Variants in HOXC12 observed in about 807,000 individuals in gnomAD.
HOXC12 encodes homeobox protein Hox-C12.
Under a neutral mutation model 20.9 loss-of-function variants are expected in HOXC12, and 24 were observed. That is an observed-to-expected ratio of 1.15 (90% CI 0.83 to 1.61). HOXC12 has a LOEUF of 1.61. HOXC12 is among the 40% of genes most tolerant of loss of function. The probability of loss-of-function intolerance (pLI) is 0.00; values close to 1 mark genes in which losing one functional copy is unlikely to be tolerated. For missense variants in HOXC12, 436 were observed against 406.9 expected (o/e 1.07, Z -0.62); for synonymous variants, 202 against 197.7 (o/e 1.02, Z -0.18).
In HOXC12 at chr12:53,955,484, C is replaced by A. The variant is rs1256539573; in HGVS notation, c.555C>A (p.Gly185=). 4 of 1,496,588 alleles carry A rather than the reference C, an allele frequency of 2.7e-6. No homozygotes were observed. The highest frequency in any genetic ancestry group is 2.2e-5 in the Admixed American group (1 of 45,986). 92.7% of individuals were successfully genotyped at this position (1,496,588 alleles called of 1,614,324 possible). ...AGGGCAACAAGGGCGCCGGCGCAGGCGACCCCGGCAGCTTGGTATCGCCGT... is the reference window on the plus strand; with the variant it reads ...AGGGCAACAAGGGCGCCGGCGCAGGAGACCCCGGCAGCTTGGTATCGCCGT... ...LNEGNKGAGA[G]DPGSLVSPLN... Residue 185 remains glycine (G), a synonymous_variant, in exon 1 of 2, where the codon GGC becomes GGA. Transcript: ENST00000243103.
Position 53,957,033 on chromosome 12 carries a change from G to A in HOXC12, c.*467G>A, listed in dbSNP as rs1938879237. On this transcript the variant is annotated 3_prime_UTR_variant, in exon 2 of 2. Transcript: ENST00000243103. Reference sequence around the variant, plus strand: ...TCCTGGGGTTAGAAGAGGCTGGGAAGAGAGAGGAGGGTGGAGGGTCAGCGG... The same window carrying A: ...TCCTGGGGTTAGAAGAGGCTGGGAAAAGAGAGGAGGGTGGAGGGTCAGCGG... 1 of 153,652 alleles carries A rather than the reference G, an allele frequency of 6.5e-6. No individual in the cohort carries two copies. Among genetic ancestry groups the A allele is most frequent in the South Asian group, 2.1e-4 (1 of 4,858 alleles). 9.5% of individuals were successfully genotyped at this position (153,652 alleles called of 1,614,324 possible).
Position 53,955,203 on chromosome 12 carries a change from A to G in HOXC12, c.274A>G (p.Lys92Glu), listed in dbSNP as rs1938836551. Residue 92 changes from lysine (K) to glutamate (E), a missense_variant, in exon 1 of 2, where the codon AAG (lysine) becomes GAG (glutamate). By Grantham distance (56) the Lys-to-Glu change is moderately conservative. Coordinates refer to ENST00000243103, the MANE Select transcript of HOXC12 (RefSeq NM_173860.3). ...TCELARVEDG[K>E]GYYREPCAEG... Reference sequence around the variant, plus strand: ...CGAGCTGGCGCGCGTGGAGGACGGCAAGGGTTACTACCGCGAGCCGTGCGC... The same window carrying G: ...CGAGCTGGCGCGCGTGGAGGACGGCGAGGGTTACTACCGCGAGCCGTGCGC... 5 of 1,609,598 alleles carry G rather than the reference A, an allele frequency of 3.1e-6. No homozygotes were observed. The highest frequency in any genetic ancestry group is 4.2e-6 in the Non-Finnish European group (5 of 1,178,730).
Position 53,955,295 on chromosome 12 carries a change from A to G in HOXC12, c.366A>G (p.Ala122=), listed in dbSNP as rs769022737. 1 of 1,396,960 alleles carries G rather than the reference A, an allele frequency of 7.2e-7. No individual in the cohort carries two copies. The highest frequency in any genetic ancestry group is 1.7e-5 in the South Asian group (1 of 60,406). The allele number at this position is 1,396,960 out of a possible 1,614,324, so 86.5% of individuals were successfully genotyped here. ...GCGACCCGGGAGCCGGGCCCGGGGCAGCGCTGCTCCCGCTGGAGCCGTCGG... is the reference window on the plus strand; with the variant it reads ...GCGACCCGGGAGCCGGGCCCGGGGCGGCGCTGCTCCCGCTGGAGCCGTCGG... ...RGRDPGAGPG[A]ALLPLEPSGP... The change falls in exon 1 of 2, where the codon GCA becomes GCG. Residue 122 remains alanine (A), a synonymous_variant. Transcript: ENST00000243103.
At chr12:53,955,653 C>T in intron 1 of HOXC12, 114 bp downstream of exon 1, 1 of 1,187,614 alleles carries the variant, frequency 8.4e-7, no homozygotes, top group Non-Finnish European at 1.1e-6. Context: ...CGAGGAAGAG[C>T]TTCTTATAAA....
rs991556939 is a variant in HOXC12 at position 53,957,915 on chromosome 12, C to A, written c.*1349C>A. ...GAATGGCTTCTCTGAGTGGGAAGGA[C>A]TTTCATCCAGACTCCTTCAGACCCC... On this transcript the variant is annotated 3_prime_UTR_variant, in exon 2 of 2. Transcript: ENST00000243103. The A allele has an allele frequency of 6.6e-6, 1 of 152,464 alleles. No homozygotes were observed. Among genetic ancestry groups the A allele is most frequent in the Non-Finnish European group, 1.5e-5 (1 of 68,236 alleles). The allele number at this position is 152,464 out of a possible 1,614,324, so 9.4% of individuals were successfully genotyped here.
In HOXC12 at chr12:53,955,028, G is replaced by A. The variant is rs761500228; in HGVS notation, c.99G>A (p.Gly33=). The stretch of plus-strand genomic sequence containing the variant: ...ACTTCCCCAACTTCCGCGCGTCCGG[G>A]GCGCAGCTTCCCGGGCTGCCTTCGC... The part of the protein sequence containing the change: ...TFYFPNFRAS[G]AQLPGLPSLS... Residue 33 remains glycine (G), a synonymous_variant, in exon 1 of 2, where the codon GGG becomes GGA. Transcript: ENST00000243103. 3 of 1,614,118 alleles carry A rather than the reference G, an allele frequency of 1.9e-6. No individual in the cohort carries two copies. Among genetic ancestry groups the A allele is most frequent in the Non-Finnish European group, 2.5e-6 (3 of 1,180,004 alleles).
At position 53,955,336 on chromosome 12, in the gene HOXC12, G is replaced by C. The variant is rs773288738; in HGVS notation, c.407G>C (p.Gly136Ala). The change falls in exon 1 of 2, where the codon GGC (glycine) becomes GCC (alanine). Residue 136 changes from glycine (G) to alanine (A), a missense_variant. Gly to Ala is a moderately conservative substitution (Grantham distance 60, BLOSUM62 0). Transcript: ENST00000243103. The stretch of plus-strand genomic sequence containing the variant: ...GAGCCGTCGGGGCCGCCTGCGCTCG[G>C]CTTCAAGTACGACTACGCGGCGGGC... Reference protein sequence around the residue: ...PLEPSGPPALGFKYDYAAGGG... With the variant: ...PLEPSGPPALAFKYDYAAGGG... The C allele has an allele frequency of 2.1e-6, 3 of 1,417,320 alleles. No individual in the cohort carries two copies. The highest frequency in any genetic ancestry group is 6.0e-5 in the East Asian group (2 of 33,124). 87.8% of individuals were successfully genotyped at this position (1,417,320 alleles called of 1,614,324 possible). A position where few individuals can be genotyped will look rare whatever the true frequency, so the allele number is the denominator to read the frequency against.
chr12:53,957,595 GC>G lies in HOXC12; in HGVS notation c.*1031del, dbSNP rs1938890291. On this transcript the variant is annotated 3_prime_UTR_variant, in exon 2 of 2. Coordinates refer to ENST00000243103, the MANE Select transcript of HOXC12 (RefSeq NM_173860.3). ...GGCGTTCACGGTCACTGCCTCACGGGCCGGCCAGAGGGTGGACCAGCGTAAT... is the reference window on the plus strand; with the variant it reads ...GGCGTTCACGGTCACTGCCTCACGGGCGGCCAGAGGGTGGACCAGCGTAAT... The G allele has an allele frequency of 6.7e-6, 1 of 149,292 alleles. No homozygotes were observed. The highest frequency in any genetic ancestry group is 6.7e-5 in the Admixed American group (1 of 14,990). The allele number at this position is 149,292 out of a possible 1,614,324, so 9.2% of individuals were successfully genotyped here.
rs2136363939 is a variant in HOXC12, at chr12:53,955,489, C to T, written c.560C>T (p.Pro187Leu). The change falls in exon 1 of 2, where the codon CCC becomes CTC. Residue 187 changes from proline to leucine, a missense_variant. Coordinates refer to ENST00000243103, the MANE Select transcript of HOXC12 (RefSeq NM_173860.3). The part of the protein sequence containing the change: ...EGNKGAGAGD[P>L]GSLVSPLNPG... Reference sequence around the variant, plus strand: ...AACAAGGGCGCCGGCGCAGGCGACCCCGGCAGCTTGGTATCGCCGTTGAAC... The same window carrying T: ...AACAAGGGCGCCGGCGCAGGCGACCTCGGCAGCTTGGTATCGCCGTTGAAC... The T allele has an allele frequency of 6.7e-7, 1 of 1,491,994 alleles. No homozygotes were observed. Among genetic ancestry groups the T allele is most frequent in the Non-Finnish European group, 8.9e-7 (1 of 1,126,614 alleles). The allele number at this position is 1,491,994 out of a possible 1,614,324, so 92.4% of individuals were successfully genotyped here. A position where few individuals can be genotyped will look rare whatever the true frequency, so the allele number is the denominator to read the frequency against.
At position 53,957,585 on chromosome 12, in the gene HOXC12, T is replaced by G. The variant is rs1822436; in HGVS notation, c.*1019T>G. ...CTTCCCCGCTGGCGTTCACGGTCACTGCCTCACGGGCCGGCCAGAGGGTGG... is the reference window on the plus strand; with the variant it reads ...CTTCCCCGCTGGCGTTCACGGTCACGGCCTCACGGGCCGGCCAGAGGGTGG... On this transcript the variant is annotated 3_prime_UTR_variant, in exon 2 of 2. Transcript: ENST00000243103. The G allele has an allele frequency of 0.8, 121,944 of 151,572 alleles. 49,102 individuals are homozygous for G. Among genetic ancestry groups the G allele is most frequent in the Non-Finnish European group, 0.85 (58,023 of 67,996 alleles). 9.4% of individuals were successfully genotyped at this position (151,572 alleles called of 1,614,324 possible).
rs976359614 is a variant in HOXC12, at chr12:53,955,374, G to A, written c.445G>A (p.Asp149Asn). 4 of 1,458,428 alleles carry A rather than the reference G, an allele frequency of 2.7e-6. No homozygotes were observed. Among genetic ancestry groups the A allele is most frequent in the East Asian group, 3.0e-5 (1 of 33,690 alleles). The allele number at this position is 1,458,428 out of a possible 1,614,324, so 90.3% of individuals were successfully genotyped here. ...YDYAAGGGGG[D>N]GGGGAGPPHD... ...CTACGCGGCGGGCGGCGGCGGTGGCGACGGCGGCGGCGGCGCAGGACCTCC... is the reference window on the plus strand; with the variant it reads ...CTACGCGGCGGGCGGCGGCGGTGGCAACGGCGGCGGCGGCGCAGGACCTCC... Residue 149 changes from aspartate (D) to asparagine (N), a missense_variant, in exon 1 of 2, where the codon GAC (aspartate) becomes AAC (asparagine). By Grantham distance (23) the Asp-to-Asn change is conservative. Coordinates refer to ENST00000243103, the MANE Select transcript of HOXC12 (RefSeq NM_173860.3).
Position 53,955,522 on chromosome 12 carries a change from GC to G in HOXC12, c.594del (p.Leu200SerfsTer52). 8.2e-6 allele frequency: 12 copies of G among 1,466,522 alleles called. No homozygotes were observed. Among genetic ancestry groups the G allele is most frequent in the Non-Finnish European group, 1.1e-5 (12 of 1,113,630 alleles). The allele number at this position is 1,466,522 out of a possible 1,614,324, so 90.8% of individuals were successfully genotyped here. On this transcript the variant is annotated frameshift_variant, in exon 1 of 2. Transcript: ENST00000243103. LOFTEE classifies it high-confidence loss of function. ...GSLVSPLNPG[G>X]GLSASGAPWY... ...TTGGTATCGCCGTTGAACCCCGGCG[GC>G]GGGCTCTCGGCCAGCGGTAAGGACC... is the stretch of plus-strand genomic sequence containing the variant.
In HOXC12 at chr12:53,955,213, A is replaced by T; in HGVS notation, c.284A>T (p.Tyr95Phe). Residue 95 changes from tyrosine to phenylalanine, a missense_variant, in exon 1 of 2, where the codon TAC (tyrosine) becomes TTC (phenylalanine). Transcript: ENST00000243103. ...CGCGTGGAGGACGGCAAGGGTTACTACCGCGAGCCGTGCGCCGAGGGTGGC... is the reference window on the plus strand; with the variant it reads ...CGCGTGGAGGACGGCAAGGGTTACTTCCGCGAGCCGTGCGCCGAGGGTGGC... ...LARVEDGKGY[Y>F]REPCAEGGGG... is the part of the protein sequence containing the mutation. The T allele has an allele frequency of 6.2e-7, 1 of 1,603,514 alleles. No homozygotes were observed. Among genetic ancestry groups the T allele is most frequent in the Non-Finnish European group, 8.5e-7 (1 of 1,175,186 alleles).
At position 53,955,325 on chromosome 12, in the gene HOXC12, G is replaced by A. The variant is rs1938841655; in HGVS notation, c.396G>A (p.Pro132=). 3 of 1,381,236 alleles carry A rather than the reference G, an allele frequency of 2.2e-6. No individual in the cohort carries two copies. Among genetic ancestry groups the A allele is most frequent in the South Asian group, 1.7e-5 (1 of 59,574 alleles). 85.6% of individuals were successfully genotyped at this position (1,381,236 alleles called of 1,614,324 possible). The part of the protein sequence containing the change: ...AALLPLEPSG[P]PALGFKYDYA... ...TGCTCCCGCTGGAGCCGTCGGGGCC[G>A]CCTGCGCTCGGCTTCAAGTACGACT... Residue 132 remains proline, a synonymous_variant, in exon 1 of 2, where the codon CCG becomes CCA. Transcript: ENST00000243103.
rs1312789787 is a variant in HOXC12 at position 53,955,400 on chromosome 12, G to A, written c.471G>A (p.Pro157=). ...ACGGCGGCGGCGGCGCAGGACCTCC[G>A]CACGACCCGCCCTCCTGCCAGTCGC... ...GGDGGGGAGP[P]HDPPSCQSLE... The change falls in exon 1 of 2, where the codon CCG becomes CCA. Residue 157 remains proline, a synonymous_variant. Coordinates refer to ENST00000243103, the MANE Select transcript of HOXC12 (RefSeq NM_173860.3). 53 of 1,479,176 alleles carry A rather than the reference G, an allele frequency of 3.6e-5. No homozygotes were observed. In the Admixed American group the frequency reaches 1.1e-3, roughly 31 times the overall value. The allele number at this position is 1,479,176 out of a possible 1,614,324, so 91.6% of individuals were successfully genotyped here. A position where few individuals can be genotyped will look rare whatever the true frequency, so the allele number is the denominator to read the frequency against.
Position 53,956,583 on chromosome 12 carries a change from G to T in HOXC12, c.*17G>T, listed in dbSNP as rs772971973. 1.9e-6 allele frequency: 3 copies of T among 1,576,146 alleles called. No homozygotes were observed. In the South Asian group the frequency reaches 3.5e-5, roughly 18 times the overall value. ...TTCTTTTAAGGTGCAGGACACGGGC[G>T]CCAGCCCCAGACTGAGCCTGTCCCT... On this transcript the variant is annotated 3_prime_UTR_variant, in exon 2 of 2. Coordinates refer to ENST00000243103, the MANE Select transcript of HOXC12 (RefSeq NM_173860.3).
Position 53,955,348 on chromosome 12 carries a change from A to G in HOXC12, c.419A>G (p.Asp140Gly). The change falls in exon 1 of 2, where the codon GAC becomes GGC. Residue 140 changes from aspartate (D) to glycine (G), a missense_variant. Physicochemically the swap from Asp to Gly is moderately conservative, Grantham distance 94. Coordinates refer to ENST00000243103, the MANE Select transcript of HOXC12 (RefSeq NM_173860.3). ...SGPPALGFKY[D>G]YAAGGGGGDG... ...CCGCCTGCGCTCGGCTTCAAGTACG[A>G]CTACGCGGCGGGCGGCGGCGGTGGC... The G allele has an allele frequency of 6.9e-7, 1 of 1,447,410 alleles. No homozygotes were observed. The highest frequency in any genetic ancestry group is 9.0e-7 in the Non-Finnish European group (1 of 1,107,544). 89.7% of individuals were successfully genotyped at this position (1,447,410 alleles called of 1,614,324 possible).
At position 53,958,162 on chromosome 12, in the gene HOXC12, C is replaced by T. The variant is rs1197067170; in HGVS notation, c.*1596C>T. Reference sequence around the variant, plus strand: ...ACTGGCCTGCTGGCTTGGAGTGTTTCCCATATGGGGAGAGTCTCCCCTAAC... The same window carrying T: ...ACTGGCCTGCTGGCTTGGAGTGTTTTCCATATGGGGAGAGTCTCCCCTAAC... On this transcript the variant is annotated 3_prime_UTR_variant, in exon 2 of 2. Transcript: ENST00000243103. 6.6e-6 allele frequency: 1 copy of T among 152,262 alleles called. No homozygotes were observed. The highest frequency in any genetic ancestry group is 1.5e-5 in the Non-Finnish European group (1 of 68,084). The allele number at this position is 152,262 out of a possible 1,614,324, so 9.4% of individuals were successfully genotyped here. A position where few individuals can be genotyped will look rare whatever the true frequency, so the allele number is the denominator to read the frequency against.
chr12:53,958,374 G>T lies in HOXC12; in HGVS notation c.*1808G>T, dbSNP rs966606554. On this transcript the variant is annotated 3_prime_UTR_variant, in exon 2 of 2. Coordinates refer to ENST00000243103, the MANE Select transcript of HOXC12 (RefSeq NM_173860.3). The stretch of plus-strand genomic sequence containing the variant: ...TCCCCACATGGCCCAGCAGAATGGA[G>T]ATAAAATCACATGCCTCCATCCCCC... 2.0e-5 allele frequency: 3 copies of T among 152,326 alleles called. No homozygotes were observed. Among genetic ancestry groups the T allele is most frequent in the African/African-American group, 7.2e-5 (3 of 41,436 alleles). The allele number at this position is 152,326 out of a possible 1,614,324, so 9.4% of individuals were successfully genotyped here. A position where few individuals can be genotyped will look rare whatever the true frequency, so the allele number is the denominator to read the frequency against.
Sources: allele counts gnomAD v4.1 joint callset, GRCh38; gene constraint gnomAD v4.1.1; transcripts MANE v1.5; gene names NCBI Gene and HGNC (gene_info 2026-07-23, HGNC 2026-07-21).